Variants in PCDHGB1 observed in about 807,000 individuals in gnomAD.
PCDHGB1 encodes protocadherin gamma subfamily B, 1.
In PCDHGB1, 34 loss-of-function variants were observed where a neutral mutation model predicts 56.6. The observed-to-expected ratio is 0.60, with a 90% CI of 0.46 to 0.80. PCDHGB1 has a LOEUF of 0.80. PCDHGB1 is among the 30% of genes least tolerant of loss of function. PCDHGB1 has a pLI of 0.00. For synonymous variants in PCDHGB1, 561 were observed against 505.9 expected, an observed-to-expected ratio of 1.11 and a Z score of -1.46; for missense variants, 1,278 against 1,204.6, an observed-to-expected ratio of 1.06 and a Z score of -0.90.
At position 141,491,942 on chromosome 5, in the gene PCDHGB1, C is replaced by T. The variant is rs932715298; in HGVS notation, c.2410-2865C>T. 6.4e-5 allele frequency: 72 copies of T among 1,122,376 alleles called. No individual in the cohort carries two copies. Among genetic ancestry groups the T allele is most frequent in the Admixed American group, 3.5e-5 (1 of 28,738 alleles). 69.5% of individuals were successfully genotyped at this position (1,122,376 alleles called of 1,614,324 possible). A position where few individuals can be genotyped will look rare whatever the true frequency, so the allele number is the denominator to read the frequency against. ...GGCGAGGGGAGGTGGGACCGACCCC[C>T]ACCCCTACACTCAAAAAAGGCCGGG... is the stretch of plus-strand genomic sequence containing the variant. On this transcript the variant is annotated intron_variant, in intron 1 of 3. Transcript: ENST00000523390. The surrounding 1 kb of genome is among the most constrained non-coding windows in gnomAD (Gnocchi z 6.9).
At chr5:141,370,402 A>G (rs541569664) in intron 1 of PCDHGB1, 2 of 1,554,130 alleles carry the variant, frequency 1.3e-6, no homozygotes, top group Non-Finnish European at 8.7e-7. Flanking sequence ...GGGATGGGAA[A>G]TAGCTCCGGA....
Position 141,423,176 on chromosome 5 carries a change from A to C in PCDHGB1, c.2409+70507A>C, listed in dbSNP as rs781125798. Reference sequence around the variant, plus strand: ...AGCCTCGTGGTGGCCGTCCAGGACCACGGCCAGCCCCCTCTCTCGGCCACC... The same window carrying C: ...AGCCTCGTGGTGGCCGTCCAGGACCCCGGCCAGCCCCCTCTCTCGGCCACC... On this transcript the variant is annotated intron_variant, in intron 1 of 3. Transcript: ENST00000523390. 1.7e-5 allele frequency: 28 copies of C among 1,613,356 alleles called. No homozygotes were observed. In the African/African-American group the frequency reaches 3.6e-4, roughly 21 times the overall value.
Position 141,485,519 on chromosome 5 carries a change from A to T in PCDHGB1, c.2410-9288A>T. ...GTTTGTCACCGAAGGTCCTTTGGAA[A>T]TGTACCGAGCAGAGGTAGAGATCGT... On this transcript the variant is annotated intron_variant, in intron 1 of 3. Transcript: ENST00000523390. The surrounding 1 kb of genome is among the most constrained non-coding windows in gnomAD (Gnocchi z 5.7). The T allele has an allele frequency of 6.2e-7, 1 of 1,614,150 alleles. No individual in the cohort carries two copies. The highest frequency in any genetic ancestry group is 8.5e-7 in the Non-Finnish European group (1 of 1,180,018).
intron 1 of PCDHGB1, among the ~76,000 whole-genome samples, chr5:141,461,376 T>C (rs2099014225): frequency 6.6e-6 from 1 of 152,184 alleles, no homozygotes; most frequent in South Asian, 2.1e-4. Context: ...AATTTGCATT[T>C]TCCTGATGAT....
At chr5:141,509,670 T>G (rs2099877782) in intron 3 of PCDHGB1, among the ~76,000 whole-genome samples, 1 of 152,136 alleles carries the variant, frequency 6.6e-6, no homozygotes, top group African/African-American at 2.4e-5. Flanking sequence ...TGGGCCCCAG[T>G]TTCTTCTTCT....
chr5:141,431,036 G>A lies in PCDHGB1; in HGVS notation c.2410-63771G>A. The A allele has an allele frequency of 6.2e-7, 1 of 1,614,204 alleles. No individual in the cohort carries two copies. Among genetic ancestry groups the A allele is most frequent in the Non-Finnish European group, 8.5e-7 (1 of 1,180,034 alleles). ...GGTCACGGCGGGCAGGATAGACCGG[G>A]AGGAGCTCTGTATGGGGGCCATCAA... On this transcript the variant is annotated intron_variant, in intron 1 of 3. Coordinates refer to ENST00000523390, the MANE Select transcript of PCDHGB1 (RefSeq NM_018922.3). This position sits in a 1 kb window ranked among gnomAD's most constrained non-coding sequence, Gnocchi z 4.8.
At chr5:141,454,838 C>G (rs1472341694) in intron 1 of PCDHGB1, among the ~76,000 whole-genome samples, 1 of 100,816 alleles carries the variant, frequency 9.9e-6, no homozygotes, top group South Asian at 3.5e-4. Flanking sequence ...GACAGAGTCG[C>G]GCTCTGTCAC....
In PCDHGB1 at chr5:141,489,835, C is replaced by G; in HGVS notation, c.2410-4972C>G. On this transcript the variant is annotated intron_variant, in intron 1 of 3. Transcript: ENST00000523390. This position sits in a 1 kb window ranked among gnomAD's most constrained non-coding sequence, Gnocchi z 4.5. Reference sequence around the variant, plus strand: ...ATTCCCAGAGCTGGTGCTAGAGCAGCAGCTGGATCGTGAAGCCCAGGCAAG... The same window carrying G: ...ATTCCCAGAGCTGGTGCTAGAGCAGGAGCTGGATCGTGAAGCCCAGGCAAG... The G allele has an allele frequency of 6.2e-7, 1 of 1,614,164 alleles. No homozygotes were observed. Among genetic ancestry groups the G allele is most frequent in the Non-Finnish European group, 8.5e-7 (1 of 1,179,972 alleles).
intron 1 of PCDHGB1, chr5:141,356,333 G>GA: frequency 6.4e-7 from 1 of 1,554,488 alleles, no homozygotes; most frequent in African/African-American, 1.4e-5. Flanking sequence ...GACTCAGGAG[G>GA]AAATGGCCTA....
intron 1 of PCDHGB1, chr5:141,416,991 T>A (rs1052950610): frequency 2.0e-5 from 3 of 151,906 alleles, no homozygotes; most frequent in Non-Finnish European, 4.4e-5. Context: ...TTATTGTGCA[T>A]TCATCTCAAA....
In PCDHGB1 at chr5:141,489,180, CTGGGTCTACCT is replaced by C. The variant is rs906371381; in HGVS notation, c.2410-5623_2410-5613del. 6.3e-5 allele frequency: 79 copies of C among 1,259,748 alleles called. No individual in the cohort carries two copies. The African/African-American group carries it at 9.3e-4, about 15-fold the overall frequency. 78.0% of individuals were successfully genotyped at this position (1,259,748 alleles called of 1,614,324 possible). ...GACTTCAGCTGCTGCATTCCAAGCCCTGGGTCTACCTTGGAGACAGGACAGCACAGACTTAC... is the reference window on the plus strand; with the variant it reads ...GACTTCAGCTGCTGCATTCCAAGCCCTGGAGACAGGACAGCACAGACTTAC... On this transcript the variant is annotated intron_variant, in intron 1 of 3. Coordinates refer to ENST00000523390, the MANE Select transcript of PCDHGB1 (RefSeq NM_018922.3). This position sits in a 1 kb window ranked among gnomAD's most constrained non-coding sequence, Gnocchi z 4.5.
intron 1 of PCDHGB1, chr5:141,415,330 A>G (rs1326574664): frequency 1.2e-6 from 2 of 1,614,094 alleles, no homozygotes; most frequent in African/African-American, 2.7e-5. Context: ...GCTGGCGCAC[A>G]GGCTGCGGCG....
At chr5:141,415,754 T>TTTG (rs2095935149) in intron 1 of PCDHGB1, 3 of 1,385,710 alleles carry the variant, frequency 2.2e-6, no homozygotes, top group African/African-American at 1.5e-5. Context: ...TTTTTTTTTT[T>TTTG]TTTTTTTTTT....
intron 2 of PCDHGB1, among the ~76,000 whole-genome samples, chr5:141,499,670 C>T (rs1477227784): frequency 6.6e-6 from 1 of 151,412 alleles, no homozygotes; most frequent in African/African-American, 2.4e-5. Flanking sequence ...TCTTGGTCTC[C>T]ACCATCTTTA....
At chr5:141,484,425 A>G (rs2099596309) in intron 1 of PCDHGB1, among the ~76,000 whole-genome samples, 3 of 152,192 alleles carry the variant, frequency 2.0e-5, no homozygotes, top group African/African-American at 7.2e-5. Flanking sequence ...TACAATGAGA[A>G]CATGTACTGC....
At chr5:141,415,729 T>A in intron 1 of PCDHGB1, 1 of 1,442,780 alleles carries the variant, frequency 6.9e-7, no homozygotes, top group Non-Finnish European at 9.1e-7. Flanking sequence ...TAGAATTTGA[T>A]GTTTATTAAG....
intron 1 of PCDHGB1, chr5:141,399,856 G>T: frequency 6.2e-7 from 1 of 1,612,894 alleles, no homozygotes; most frequent in South Asian, 1.1e-5. Context: ...GGTGCCGCGC[G>T]CTGCAGAGCC....
chr5:141,365,622 C>T, intron 1 of PCDHGB1: 1 of 1,613,594 alleles, frequency 6.2e-7, no homozygotes, highest in Non-Finnish European at 8.5e-7. Flanking sequence ...GGAACCCCGC[C>T]CCTCTCTACA....
rs765586654 is a variant in PCDHGB1 at position 141,421,994 on chromosome 5, T to C, written c.2409+69325T>C. 8 of 1,608,922 alleles carry C rather than the reference T, an allele frequency of 5.0e-6. No homozygotes were observed. In the African/African-American group the frequency reaches 5.4e-5, roughly 11 times the overall value. On this transcript the variant is annotated intron_variant, in intron 1 of 3. Coordinates refer to ENST00000523390, the MANE Select transcript of PCDHGB1 (RefSeq NM_018922.3). ...TATCGCGTGAGTGTTCCAGAAAACA[T>C]CAGCTCCGGAACTCGGGTGCTGATG...
Sources: allele counts gnomAD v4.1 joint callset (sites outside exome capture counted in the v4.1 genomes callset), GRCh38; gene constraint gnomAD v4.1.1; non-coding constraint Gnocchi (gnomAD v3.1); transcripts MANE v1.5; gene names NCBI Gene and HGNC (gene_info 2026-07-23, HGNC 2026-07-21).